Variants in COL24A1 observed in about 807,000 individuals in gnomAD.
COL24A1 encodes the protein collagen type XXIV alpha 1 chain.
COL24A1 carries 224 observed loss-of-function variants against 253.9 expected under a neutral mutation model. The observed-to-expected ratio is 0.88, with a 90% CI of 0.79 to 0.99. The LOEUF is 0.99. Among genes scored for constraint, COL24A1 ranks in the 50% least tolerant of loss-of-function variants. COL24A1 has a pLI of 0.00. For missense variants in COL24A1, 2,131 were observed against 2,068.5 expected, an observed-to-expected ratio of 1.03 and a Z score of -0.59; for synonymous variants, 685 against 673.7, an observed-to-expected ratio of 1.02 and a Z score of -0.26.
At chr1:85,754,303 C>T (rs12045018) in intron 55 of COL24A1, among the ~76,000 whole-genome samples, 9 of 49,946 alleles carry the variant, frequency 1.8e-4, no homozygotes, top group Admixed American at 1.5e-3. Flanking sequence ...AACCAAACAC[C>T]GCATATTCTC....
At chr1:85,865,356 T>C (rs1422394019) in intron 37 of COL24A1, among the ~76,000 whole-genome samples, 1 of 152,144 alleles carries the variant, frequency 6.6e-6, no homozygotes, top group Non-Finnish European at 1.5e-5. Flanking sequence ...GGTATTTTTA[T>C]TGAGTTTACA....
chr1:86,087,785 T>C (rs927369388), intron 7 of COL24A1, among the ~76,000 whole-genome samples: 1 of 152,214 alleles, frequency 6.6e-6, no homozygotes, highest in African/African-American at 2.4e-5. Context: ...GGTTCATGAC[T>C]GTATATCAAG....
At position 86,089,198 on chromosome 1, in the gene COL24A1, G is replaced by A. The variant is rs774986133; in HGVS notation, c.1683C>T (p.Gly561=). 1 of 1,585,764 alleles carries A rather than the reference G, an allele frequency of 6.3e-7. No homozygotes were observed. The highest frequency in any genetic ancestry group is 1.2e-5 in the South Asian group (1 of 84,934). ...CCTTATCACCTTGCATACCAGGGGG[G>A]CCCATTAATCCAGAAAGGCCTTGAT... The part of the protein sequence containing the change: ...KGDQGLSGLM[G]PPGMQGDKGL... The change falls in exon 7 of 60, where the codon GGC becomes GGT. Residue 561 remains glycine, a synonymous_variant. Coordinates refer to ENST00000370571, the MANE Select transcript of COL24A1 (RefSeq NM_152890.7).
At chr1:85,816,375 C>G (rs1199529115) in intron 47 of COL24A1, among the ~76,000 whole-genome samples, 1 of 152,100 alleles carries the variant, frequency 6.6e-6, no homozygotes, top group Non-Finnish European at 1.5e-5. Context: ...TTGTAAAATA[C>G]TGAGGCTATA....
At chr1:85,781,315 T>TAAAA in intron 51 of COL24A1, 42 bp from the exon 52 acceptor site, 8 of 1,077,140 alleles carry the variant, frequency 7.4e-6, no homozygotes, top group Admixed American at 2.7e-5. Flanking sequence ...TTAGTATAAT[T>TAAAA]AAAAAAAAAA....
In COL24A1 at chr1:85,761,537, C is replaced by T. The variant is rs762943830; in HGVS notation, c.4404G>A (p.Gly1468=). 5.6e-6 allele frequency: 9 copies of T among 1,613,926 alleles called. No individual in the cohort carries two copies. The African/African-American group carries it at 1.1e-4, about 19-fold the overall frequency. Reference sequence around the variant, plus strand: ...TAAATGAAAACCAACTCACTGGAGGCCCTGGTTGACCTCTTGGTCCTTGAG... The same window carrying T: ...TAAATGAAAACCAACTCACTGGAGGTCCTGGTTGACCTCTTGGTCCTTGAG... The part of the protein sequence containing the change: ...TGPQGPRGQP[G]PPGPPGAPGP... Residue 1468 remains glycine (G), a synonymous_variant, in exon 54 of 60, where the codon GGG becomes GGA. Coordinates refer to ENST00000370571, the MANE Select transcript of COL24A1 (RefSeq NM_152890.7).
chr1:85,976,281 G>A (rs1179581227), intron 20 of COL24A1, among the ~76,000 whole-genome samples: 1 of 152,138 alleles, frequency 6.6e-6, no homozygotes, highest in African/African-American at 2.4e-5. Context: ...AGGCTACCTG[G>A]AGACAAACTC....
At chr1:86,033,751 G>A (rs938265402) in intron 13 of COL24A1, 119 bp downstream of exon 13, 6 of 874,516 alleles carry the variant, frequency 6.9e-6, no homozygotes, top group African/African-American at 5.3e-5. Flanking sequence ...GCACAGTGGT[G>A]TGGAGATTGT....
At chr1:85,916,439 A>G (rs2102973410) in intron 24 of COL24A1, among the ~76,000 whole-genome samples, 1 of 152,338 alleles carries the variant, frequency 6.6e-6, no homozygotes, top group African/African-American at 2.4e-5. Flanking sequence ...AATAAAACTT[A>G]AAGTTGGAGA....
At chr1:85,980,230 A>G (rs1229395485) in intron 20 of COL24A1, among the ~76,000 whole-genome samples, 1 of 152,254 alleles carries the variant, frequency 6.6e-6, no homozygotes, top group African/African-American at 2.4e-5. Context: ...AGTGAACATT[A>G]TGGTGAATGG....
chr1:86,022,176 C>A, intron 18 of COL24A1, 64 bp downstream of exon 18: 1 of 1,398,638 alleles, frequency 7.1e-7, no homozygotes, highest in East Asian at 2.3e-5. Flanking sequence ...TCAACAGTGT[C>A]GAGACTCATG....
intron 2 of COL24A1, among the ~76,000 whole-genome samples, chr1:86,142,046 A>G (rs1023786088): frequency 2.0e-5 from 3 of 152,142 alleles, no homozygotes; most frequent in Non-Finnish European, 4.4e-5. Flanking sequence ...CTTATAAACA[A>G]CTTCTCCAAC....
intron 55 of COL24A1, among the ~76,000 whole-genome samples, chr1:85,747,721 G>A (rs1037202883): frequency 2.0e-5 from 3 of 152,042 alleles, no homozygotes; most frequent in South Asian, 2.1e-4. Flanking sequence ...TATTTAAGTC[G>A]TGTTTTTCAA....
chr1:85,800,485 A>T (rs987340127), intron 47 of COL24A1, among the ~76,000 whole-genome samples: 3 of 152,210 alleles, frequency 2.0e-5, no homozygotes, highest in Admixed American at 1.3e-4. Context: ...CAAATACCAG[A>T]AACTAATACT....
At chr1:85,771,601 C>A (rs1178024923) in intron 53 of COL24A1, among the ~76,000 whole-genome samples, 1 of 151,842 alleles carries the variant, frequency 6.6e-6, no homozygotes, top group Non-Finnish European at 1.5e-5. Context: ...ATTTATAATC[C>A]TTTGGGTATA....
chr1:86,065,457 G>A (rs1287038542), intron 7 of COL24A1, among the ~76,000 whole-genome samples: 2 of 152,042 alleles, frequency 1.3e-5, no homozygotes, highest in Non-Finnish European at 2.9e-5. Flanking sequence ...TCTCTTTAAA[G>A]GGATTCTTCT....
intron 39 of COL24A1, 132 bp downstream of exon 39, chr1:85,847,533 T>C (rs1377104300): frequency 4.9e-6 from 3 of 613,390 alleles, no homozygotes; most frequent in Middle Eastern, 2.6e-4. Flanking sequence ...CCACATCCCA[T>C]GGAGGTAGAT....
chr1:85,995,534 G>A lies in COL24A1; in HGVS notation c.2311-7880C>T, dbSNP rs185462894. On this transcript the variant is annotated intron_variant, in intron 19 of 59. Coordinates refer to ENST00000370571, the MANE Select transcript of COL24A1 (RefSeq NM_152890.7). Reference sequence around the variant, plus strand: ...TGGCCATTATTTGATATTTAGGTTTGGATAATCCATAGTGACAAAAAGCAG... The same window carrying A: ...TGGCCATTATTTGATATTTAGGTTTAGATAATCCATAGTGACAAAAAGCAG... Among the ~76,000 whole-genome samples, 521 of 152,240 alleles carry A rather than the reference G, an allele frequency of 3.4e-3. 1 individual carries two copies. The highest frequency in any genetic ancestry group is 5.7e-3 in the Non-Finnish European group (385 of 68,018).
chr1:86,150,866 CCTT>C (rs1474271923), intron 1 of COL24A1, among the ~76,000 whole-genome samples: 1 of 152,076 alleles, frequency 6.6e-6, no homozygotes, highest in Non-Finnish European at 1.5e-5. Context: ...TGTTCTTTGT[CCTT>C]CTGGGTCTTA....
Sources: allele counts gnomAD v4.1 joint callset (sites outside exome capture counted in the v4.1 genomes callset), GRCh38; gene constraint gnomAD v4.1.1; transcripts MANE v1.5; gene names NCBI Gene and HGNC (gene_info 2026-07-23, HGNC 2026-07-21).